Variants in GAS2 observed in about 807,000 individuals in gnomAD.
The protein encoded by GAS2 is growth arrest-specific protein 2.
GAS2 carries 20 observed loss-of-function variants against 37.5 expected under a neutral mutation model. The observed-to-expected ratio is 0.53, with a 90% confidence interval of 0.37 to 0.77. GAS2 has a LOEUF of 0.77. GAS2 is among the 30% of genes least tolerant of loss of function. The pLI, the probability that GAS2 is intolerant of heterozygous loss-of-function variation, is 0.00. For missense variants in GAS2, 336 were observed against 373.4 expected (o/e 0.90, Z 0.82); for synonymous variants, 144 against 132.2 (o/e 1.09, Z -0.61).
At chr11:22,744,982 A>G (rs1376292767) in intron 5 of GAS2, among the ~76,000 whole-genome samples, 1 of 152,068 alleles carries the variant, frequency 6.6e-6, no homozygotes, top group African/African-American at 2.4e-5. Flanking sequence ...TAGATGACAC[A>G]AACAAAGGAA....
At chr11:22,758,942 T>C (rs1189015825) in intron 7 of GAS2, among the ~76,000 whole-genome samples, 2 of 112,830 alleles carry the variant, frequency 1.8e-5, no homozygotes, top group Non-Finnish European at 3.9e-5. Context: ...AAGTCATAGA[T>C]ACAAGATTCT....
Position 22,758,782 on chromosome 11 carries a change from G to A in GAS2, c.723+2829G>A, listed in dbSNP as rs542628100. Among the ~76,000 whole-genome samples the A allele has an allele frequency of 1.4e-4, 22 of 151,968 alleles. No homozygotes were observed. The South Asian group carries it at 3.1e-3, about 22-fold the overall frequency. ...TACAAAATTAGCTGGGCTTGGTGGC[G>A]CATGCCTGTATTTCCAGCTACTTGC... On this transcript the variant is annotated intron_variant, in intron 7 of 7. Coordinates refer to ENST00000454584, the MANE Select transcript of GAS2 (RefSeq NM_001143830.3).
chr11:22,717,385 A>C (rs111760279), intron 3 of GAS2, among the ~76,000 whole-genome samples: 7 of 152,334 alleles, frequency 4.6e-5, no homozygotes, highest in African/African-American at 1.7e-4. Flanking sequence ...ATACAAAAAC[A>C]TAAATTGGAG....
intron 7 of GAS2, among the ~76,000 whole-genome samples, chr11:22,764,758 T>C (rs1452239103): frequency 6.6e-6 from 1 of 152,182 alleles, no homozygotes; most frequent in Admixed American, 6.5e-5. Context: ...TGAAAAACAA[T>C]AAATAAATAG....
At chr11:22,657,211 GTAGGACTCTT>G (rs1272016990) in intron 1 of GAS2, among the ~76,000 whole-genome samples, 2 of 152,164 alleles carry the variant, frequency 1.3e-5, no homozygotes, top group Non-Finnish European at 2.9e-5. Context: ...TAGTTAAAAG[GTAGGACTCTT>G]TGTTACCTCT....
intron 2 of GAS2, among the ~76,000 whole-genome samples, chr11:22,679,767 A>G (rs1434806028): frequency 6.6e-6 from 1 of 152,120 alleles, no homozygotes; most frequent in Non-Finnish European, 1.5e-5. Flanking sequence ...TTGTTCTTAA[A>G]GCTTATAGAT....
At chr11:22,666,044 G>C (rs1471590872), upstream of GAS2, among the ~76,000 whole-genome samples, 1 of 152,252 alleles carries the variant, frequency 6.6e-6, no homozygotes, top group Admixed American at 6.5e-5. Flanking sequence ...AGCGGTCCCC[G>C]CGCATTAGAG....
Position 22,696,192 on chromosome 11 carries a change from G to A in GAS2, c.267+10403G>A, listed in dbSNP as rs377093358. 9.5e-3 allele frequency among the ~76,000 whole-genome samples: 1,422 copies of A among 150,226 alleles called. 12 individuals are homozygous for A. The highest frequency in any genetic ancestry group is 0.011 in the Non-Finnish European group (771 of 67,812). The stretch of plus-strand genomic sequence containing the variant: ...CCACCTATGAGTGAGAACATGCGGT[G>A]TTTGGTTTTTTGTCCTTGCGATAGT... On this transcript the variant is annotated intron_variant, in intron 3 of 7. Transcript: ENST00000454584.
intron 4 of GAS2, chr11:22,731,538 T>A (rs745414131): frequency 1.0e-4 from 17 of 163,820 alleles, no homozygotes; most frequent in Middle Eastern, 2.5e-3. Flanking sequence ...TTCTACAAAT[T>A]TTTTTTTGTT....
intron 3 of GAS2, among the ~76,000 whole-genome samples, chr11:22,707,145 T>G (rs1851167864): frequency 6.6e-6 from 1 of 152,106 alleles, no homozygotes. Flanking sequence ...ATAGAATGGG[T>G]AAGGGAGATT....
intron 1 of GAS2, among the ~76,000 whole-genome samples, chr11:22,640,949 A>G (rs1483781206): frequency 6.6e-6 from 1 of 151,972 alleles, no homozygotes; most frequent in East Asian, 1.9e-4. Flanking sequence ...ACTGGGAGAA[A>G]GTAAGTTAGT....
chr11:22,735,968 A>G lies in GAS2; in HGVS notation c.410-1737A>G, dbSNP rs747849891. Among the ~76,000 whole-genome samples, 45 of 150,022 alleles carry G rather than the reference A, an allele frequency of 3.0e-4. 1 individual carries two copies. Among genetic ancestry groups the G allele is most frequent in the Middle Eastern group, 3.2e-3 (1 of 316 alleles). On this transcript the variant is annotated intron_variant, in intron 4 of 7. Transcript: ENST00000454584. Reference sequence around the variant, plus strand: ...TTTTACATACTTCTTTCTCCCACTCAAAACTCCTTTTTGTTATTTTGTACC... The same window carrying G: ...TTTTACATACTTCTTTCTCCCACTCGAAACTCCTTTTTGTTATTTTGTACC...
intron 7 of GAS2, among the ~76,000 whole-genome samples, chr11:22,794,898 C>T (rs186538973): frequency 6.6e-6 from 1 of 152,270 alleles, no homozygotes; most frequent in East Asian, 1.9e-4. Context: ...CTGTTGGATC[C>T]ACTATTTACT....
chr11:22,672,252 T>A (rs1243690019), intron 1 of GAS2, among the ~76,000 whole-genome samples: 2 of 152,200 alleles, frequency 1.3e-5, no homozygotes, highest in African/African-American at 4.8e-5. Context: ...AAAAATTGCT[T>A]AATTATTCTT....
chr11:22,706,473 A>G (rs1851126551), intron 3 of GAS2, among the ~76,000 whole-genome samples: 1 of 152,004 alleles, frequency 6.6e-6, no homozygotes, highest in Admixed American at 6.6e-5. Flanking sequence ...TCCCAATGCT[A>G]TCCCTCCCCG....
In GAS2 at chr11:22,766,079, C is replaced by T. The variant is rs868300766; in HGVS notation, c.723+10126C>T. On this transcript the variant is annotated intron_variant, in intron 7 of 7. Transcript: ENST00000454584. Reference sequence around the variant, plus strand: ...CCAAGCCATTCATGAGGTATCTGCCCTCATCATCCAAACACCTCCCACCAT... The same window carrying T: ...CCAAGCCATTCATGAGGTATCTGCCTTCATCATCCAAACACCTCCCACCAT... Among the ~76,000 whole-genome samples, 147 of 152,212 alleles carry T rather than the reference C, an allele frequency of 9.7e-4. 5 individuals carry two copies. Among genetic ancestry groups the T allele is most frequent in the Non-Finnish European group, 1.6e-4 (11 of 68,036 alleles).
intron 3 of GAS2, among the ~76,000 whole-genome samples, chr11:22,715,583 A>T (rs539770493): frequency 6.6e-6 from 1 of 152,154 alleles, no homozygotes; most frequent in South Asian, 2.1e-4. Context: ...TATGCACACA[A>T]ACTAGAAAAC....
chr11:22,695,339 T>A (rs1850449476), intron 3 of GAS2, among the ~76,000 whole-genome samples: 1 of 151,568 alleles, frequency 6.6e-6, no homozygotes, highest in Non-Finnish European at 1.5e-5. Context: ...AAAAAAAGAC[T>A]CTTTATTCTG....
intron 1 of GAS2, among the ~76,000 whole-genome samples, chr11:22,670,746 A>G (rs1849166232): frequency 2.0e-5 from 3 of 152,160 alleles, no homozygotes; most frequent in Admixed American, 2.0e-4. Context: ...AGGAAAATTC[A>G]TATGACTAGA....
Sources: allele counts gnomAD v4.1 joint callset (sites outside exome capture counted in the v4.1 genomes callset), GRCh38; gene constraint gnomAD v4.1.1; transcripts MANE v1.5; gene names NCBI Gene and HGNC (gene_info 2026-07-23, HGNC 2026-07-21).